The following TNIK variants were observed in gnomAD, a reference collection of about 807,000 sequenced individuals.
TNIK encodes TRAF2 and NCK interacting kinase.
TNIK carries 49 observed loss-of-function variants against 191.3 expected under a neutral mutation model. The observed-to-expected ratio is 0.26, with a 90% CI of 0.20 to 0.32. The LOEUF (loss-of-function observed/expected upper bound fraction) is 0.32. TNIK is among the 10% of genes least tolerant of loss of function. TNIK has a pLI of 1.00. For missense variants in TNIK, 1,155 were observed against 1,702.3 expected (o/e 0.68, Z 5.66); for synonymous variants, 594 against 600.9 (o/e 0.99, Z 0.17).
intron 2 of TNIK, among the ~76,000 whole-genome samples, chr3:171,342,287 A>G (rs1283615687): frequency 6.6e-6 from 1 of 152,248 alleles, no homozygotes; most frequent in Non-Finnish European, 1.5e-5. Flanking sequence ...AGTTCCCAGC[A>G]GATGCTGATG....
intron 22 of TNIK, among the ~76,000 whole-genome samples, chr3:171,098,208 A>G (rs766146956): frequency 1.3e-5 from 2 of 152,196 alleles, no homozygotes; most frequent in East Asian, 1.9e-4. Context: ...GGAAGACACT[A>G]ATACCTAAGG....
At chr3:171,191,428 G>C (rs753892289) in intron 5 of TNIK, among the ~76,000 whole-genome samples, 13 of 152,168 alleles carry the variant, frequency 8.5e-5, no homozygotes, top group Non-Finnish European at 1.5e-4. Flanking sequence ...AGTACAGACA[G>C]GGTTTCACCA....
chr3:171,289,400 TG>T (rs1450838118), intron 2 of TNIK, among the ~76,000 whole-genome samples: 1 of 152,208 alleles, frequency 6.6e-6, no homozygotes, highest in African/African-American at 2.4e-5. Context: ...CAGTTAAAAA[TG>T]TTCAGTCTCC....
chr3:171,379,600 A>G (rs1314152018), intron 1 of TNIK, among the ~76,000 whole-genome samples: 3 of 152,216 alleles, frequency 2.0e-5, no homozygotes, highest in Non-Finnish European at 4.4e-5. Context: ...CAACTCCATA[A>G]GGCAAGTTAA....
chr3:171,072,288 T>A (rs112897679), intron 28 of TNIK, among the ~76,000 whole-genome samples: 46 of 152,298 alleles, frequency 3.0e-4, no homozygotes, highest in African/African-American at 9.9e-4. Context: ...AGGAAAAATT[T>A]TAATATACTT....
At position 171,093,914 on chromosome 3, in the gene TNIK, C is replaced by T. The variant is rs556088275; in HGVS notation, c.2646G>A (p.Thr882=). ...CCGCATGAGAGGTCTCCAGCCCATG[C>T]GTCCCCACCATTCCCACATTGTACT... ...NEQYNVGMVG[T]HGLETSHADS... Residue 882 remains threonine, a synonymous_variant, in exon 23 of 33, where the codon ACG becomes ACA. Transcript: ENST00000436636. The T allele has an allele frequency of 4.5e-5, 72 of 1,613,862 alleles. 1 individual carries two copies. The highest frequency in any genetic ancestry group is 4.0e-4 in the South Asian group (36 of 91,068).
At chr3:171,145,617 G>A (rs1314888807) in intron 12 of TNIK, among the ~76,000 whole-genome samples, 1 of 152,114 alleles carries the variant, frequency 6.6e-6, no homozygotes, top group East Asian at 1.9e-4. Context: ...GCCCTCAAAG[G>A]TAATGCATTT....
intron 8 of TNIK, among the ~76,000 whole-genome samples, chr3:171,175,731 G>A (rs1194482029): frequency 1.3e-5 from 2 of 152,124 alleles, no homozygotes; most frequent in Non-Finnish European, 2.9e-5. Context: ...TAAATAAAAG[G>A]CATTTCATTA....
rs1438967095 is a variant in TNIK at position 171,163,757 on chromosome 3, C to T, written c.950-2421G>A. On this transcript the variant is annotated intron_variant, in intron 10 of 32. Coordinates refer to ENST00000436636, the MANE Select transcript of TNIK (RefSeq NM_015028.4). Reference sequence around the variant, plus strand: ...CACACAATTATTCCAATTACTTCTACTCTCTAGGGTAAATCCTTCATTTGT... The same window carrying T: ...CACACAATTATTCCAATTACTTCTATTCTCTAGGGTAAATCCTTCATTTGT... 2.6e-5 allele frequency among the ~76,000 whole-genome samples: 4 copies of T among 152,132 alleles called. No homozygotes were observed. In the South Asian group the frequency reaches 6.2e-4, roughly 24 times the overall value.
chr3:171,140,636 G>GT (rs1215931871), intron 12 of TNIK, 127 bp from the exon 13 acceptor site: 1 of 809,772 alleles, frequency 1.2e-6, no homozygotes, highest in African/African-American at 1.7e-5. Flanking sequence ...ATGCTCCAAG[G>GT]TTCTTCTCTC....
intron 29 of TNIK, among the ~76,000 whole-genome samples, 189 bp from the exon 30 acceptor site, chr3:171,069,186 C>CT (rs1158828508): frequency 6.6e-6 from 1 of 152,192 alleles, no homozygotes; most frequent in Non-Finnish European, 1.5e-5. Flanking sequence ...ATTTGTGCCC[C>CT]TTTCTCTACC....
chr3:171,064,062 C>T, intron 32 of TNIK, 98 bp from the exon 33 acceptor site: 1 of 1,151,774 alleles, frequency 8.7e-7, no homozygotes, highest in East Asian at 2.5e-5. Flanking sequence ...CTATCCTTGC[C>T]ATGTGTCAGG....
chr3:171,153,585 C>T (rs917600482), intron 12 of TNIK, among the ~76,000 whole-genome samples: 2 of 152,192 alleles, frequency 1.3e-5, no homozygotes, highest in African/African-American at 4.8e-5. Context: ...ACTAACTTGT[C>T]TCCTCCATTT....
At chr3:171,281,682 G>T (rs1204807595) in intron 2 of TNIK, among the ~76,000 whole-genome samples, 1 of 152,052 alleles carries the variant, frequency 6.6e-6, no homozygotes, top group Non-Finnish European at 1.5e-5. Context: ...ACATTATTTT[G>T]CTCTCTCTCA....
chr3:171,087,261 C>G, intron 24 of TNIK, 81 bp downstream of exon 24: 1 of 1,564,002 alleles, frequency 6.4e-7, no homozygotes. Flanking sequence ...CTTGGCGAAG[C>G]CTCATTCTTG....
At chr3:171,394,029 C>T (rs962840500) in intron 1 of TNIK, among the ~76,000 whole-genome samples, 4 of 152,156 alleles carry the variant, frequency 2.6e-5, no homozygotes, top group East Asian at 1.9e-4. Flanking sequence ...ATGCCATGGA[C>T]GAAATGCTTA....
At chr3:171,338,039 T>A (rs558478241) in intron 2 of TNIK, among the ~76,000 whole-genome samples, 51 of 152,302 alleles carry the variant, frequency 3.3e-4, no homozygotes, top group Middle Eastern at 6.8e-3. Flanking sequence ...ACTACGTACC[T>A]TTGAATCTCT....
chr3:171,380,525 G>T (rs1207395602), intron 1 of TNIK, among the ~76,000 whole-genome samples: 7 of 152,218 alleles, frequency 4.6e-5, no homozygotes, highest in East Asian at 3.8e-4. Flanking sequence ...TTGCTTGAAA[G>T]AATTTTCAAC....
intron 2 of TNIK, among the ~76,000 whole-genome samples, chr3:171,360,890 T>C (rs912915642): frequency 1.3e-5 from 2 of 152,236 alleles, no homozygotes; most frequent in Non-Finnish European, 2.9e-5. Context: ...AGTGATCTAT[T>C]TTCATGTCTC....
Sources: gnomAD v4.1 joint callset for allele counts (sites outside exome capture counted in the v4.1 genomes callset) on GRCh38, gnomAD v4.1.1 for gene constraint, MANE v1.5 for transcripts, NCBI Gene and HGNC (gene_info 2026-07-23, HGNC 2026-07-21) for gene names.